The following NRG1 variants were observed in gnomAD, a reference collection of about 807,000 sequenced individuals.
NRG1 encodes the protein neuregulin 1, also known as pro-neuregulin-1, membrane-bound isoform.
Under a neutral mutation model 63.8 loss-of-function variants are expected in NRG1, and 18 were observed. That is an observed-to-expected ratio of 0.28 (90% CI 0.19 to 0.42). The LOEUF is 0.42. NRG1 is among the 10% of genes least tolerant of loss of function. The probability of loss-of-function intolerance (pLI) is 1.00; values close to 1 mark genes in which losing one functional copy is unlikely to be tolerated. For synonymous variants in NRG1, 302 were observed against 301.3 expected (o/e 1.00, Z -0.02); for missense variants, 762 against 814.7 (o/e 0.94, Z 0.79).
chr8:32,475,463 C>CAAAAA lies in NRG1; in HGVS notation c.38-120352_38-120348dup, dbSNP rs55906650. ...CTGGTGACAGAGAGAGACTCTGTCTCAAAAAAAAAAAAAAAAAGTGCCTAC... is the reference window on the plus strand; with the variant it reads ...CTGGTGACAGAGAGAGACTCTGTCTCAAAAAAAAAAAAAAAAAAAAAAGTGCCTAC... On this transcript the variant is annotated intron_variant, in intron 1 of 10. Transcript: ENST00000519301. 8.7e-4 allele frequency among the ~76,000 whole-genome samples: 71 copies of CAAAAA among 81,694 alleles called. 3 individuals carry two copies. The East Asian group carries it at 0.01, about 12-fold the overall frequency. 53.6% of individuals were successfully genotyped at this position (81,694 alleles called of 152,430 possible). A position where few individuals can be genotyped will look rare whatever the true frequency, so the allele number is the denominator to read the frequency against.
At chr8:32,039,315 T>G (rs1462908) in intron 1 of NRG1, among the ~76,000 whole-genome samples, 137,802 of 152,160 alleles carry the variant, frequency 0.91, 63,279 homozygotes, top group East Asian at 1. Context: ...GCGATTGTTA[T>G]TCTAGTGTTG....
At chr8:31,848,290 A>C (rs540107904) in intron 1 of NRG1, among the ~76,000 whole-genome samples, 115 of 152,294 alleles carry the variant, frequency 7.6e-4, no homozygotes, top group African/African-American at 2.7e-3. Context: ...TCTCAAAATT[A>C]GGCCGGTATT....
chr8:32,731,261 T>G (rs1041738521), intron 6 of NRG1, among the ~76,000 whole-genome samples: 4 of 152,206 alleles, frequency 2.6e-5, no homozygotes, highest in Non-Finnish European at 5.9e-5. Context: ...ATCTTAAGCC[T>G]AATCCAGTAG....
At chr8:32,543,336 T>C (rs1387431901), upstream of NRG1, among the ~76,000 whole-genome samples, 1 of 152,102 alleles carries the variant, frequency 6.6e-6, no homozygotes, top group Non-Finnish European at 1.5e-5. Context: ...TATATAAGTA[T>C]ATATATATTT....
intron 1 of NRG1, among the ~76,000 whole-genome samples, chr8:32,120,229 C>A (rs1001545682): frequency 2.0e-5 from 3 of 151,912 alleles, no homozygotes; most frequent in African/African-American, 7.3e-5. Context: ...TCTTAGATTT[C>A]TACATTTATA....
intron 1 of NRG1, among the ~76,000 whole-genome samples, chr8:32,184,014 T>C (rs983562971): frequency 6.6e-6 from 1 of 152,108 alleles, no homozygotes; most frequent in South Asian, 2.1e-4. Context: ...TAGAATGTGA[T>C]AGAATCTTGG....
At chr8:32,148,987 C>T (rs566839215) in intron 1 of NRG1, among the ~76,000 whole-genome samples, 69 of 152,190 alleles carry the variant, frequency 4.5e-4, no homozygotes, top group African/African-American at 1.6e-3. Context: ...GCTGCAGGAA[C>T]GTAATTAAGA....
At chr8:32,366,372 A>G (rs1807981569) in intron 1 of NRG1, among the ~76,000 whole-genome samples, 1 of 151,942 alleles carries the variant, frequency 6.6e-6, no homozygotes, top group Non-Finnish European at 1.5e-5. Context: ...CTCAGCCTCT[A>G]GTAACTACCA....
At chr8:32,733,359 T>A (rs934341844) in intron 6 of NRG1, among the ~76,000 whole-genome samples, 36 of 152,244 alleles carry the variant, frequency 2.4e-4, no homozygotes, top group Admixed American at 2.1e-3. Context: ...ATATTATACA[T>A]TATTATAAGA....
chr8:32,524,639 G>A (rs1464730147), intron 1 of NRG1, among the ~76,000 whole-genome samples: 1 of 152,060 alleles, frequency 6.6e-6, no homozygotes, highest in Non-Finnish European at 1.5e-5. Flanking sequence ...TTTTCCTCCA[G>A]CAATTCTTCT....
At chr8:31,673,759 A>T (rs1161284472) in intron 1 of NRG1, among the ~76,000 whole-genome samples, 1 of 152,150 alleles carries the variant, frequency 6.6e-6, no homozygotes, top group Non-Finnish European at 1.5e-5. Flanking sequence ...CTTAATTTTC[A>T]TGGTGAGATT....
intron 5 of NRG1, among the ~76,000 whole-genome samples, chr8:32,685,814 G>C (rs973372667): frequency 1.3e-5 from 2 of 152,156 alleles, no homozygotes; most frequent in Non-Finnish European, 2.9e-5. Context: ...GGAGATCTGA[G>C]GAAATCCAGT....
chr8:32,341,028 T>G (rs981650003), intron 1 of NRG1, among the ~76,000 whole-genome samples: 1 of 152,234 alleles, frequency 6.6e-6, no homozygotes, highest in Non-Finnish European at 1.5e-5. Flanking sequence ...ACGTGAGAGA[T>G]GTATTGTTAT....
At chr8:32,081,452 G>T (rs1196582019) in intron 1 of NRG1, among the ~76,000 whole-genome samples, 1 of 152,112 alleles carries the variant, frequency 6.6e-6, no homozygotes, top group East Asian at 1.9e-4. Context: ...AATAGAATGA[G>T]AGTTGGGGCA....
chr8:32,505,784 A>G (rs1239766674), intron 1 of NRG1, among the ~76,000 whole-genome samples: 2 of 152,220 alleles, frequency 1.3e-5, no homozygotes, highest in African/African-American at 4.8e-5. Context: ...TAATAAGACA[A>G]TGAGGAAGGA....
At chr8:31,641,071 C>A (rs1803725315) in intron 1 of NRG1, among the ~76,000 whole-genome samples, 2 of 152,142 alleles carry the variant, frequency 1.3e-5, no homozygotes, top group African/African-American at 4.8e-5. Context: ...TTAGGAGTTG[C>A]TGATTCTGGG....
chr8:32,225,482 G>T (rs1284355804), intron 1 of NRG1, among the ~76,000 whole-genome samples: 1 of 152,076 alleles, frequency 6.6e-6, no homozygotes, highest in Non-Finnish European at 1.5e-5. Context: ...TAGGGCAAAT[G>T]GTTTTAGTTT....
intron 1 of NRG1, among the ~76,000 whole-genome samples, chr8:31,824,185 C>G (rs1481574985): frequency 3.8e-5 from 5 of 132,148 alleles, no homozygotes; most frequent in Admixed American, 3.2e-4. Context: ...TCCCCCCACC[C>G]CACAACAGGC....
intron 1 of NRG1, among the ~76,000 whole-genome samples, chr8:31,895,188 G>C (rs970885180): frequency 6.6e-6 from 1 of 152,168 alleles, no homozygotes; most frequent in African/African-American, 2.4e-5. Flanking sequence ...GATAGATTTT[G>C]ATATGTTTTG....
Sources: allele counts gnomAD v4.1 joint callset (sites outside exome capture counted in the v4.1 genomes callset), GRCh38; gene constraint gnomAD v4.1.1; transcripts MANE v1.5; gene names NCBI Gene and HGNC (gene_info 2026-07-23, HGNC 2026-07-21).